CTDP1: variants seen among roughly 807,000 people sequenced by gnomAD.
The protein encoded by CTDP1 is CTD phosphatase 1.
In CTDP1, 47 loss-of-function variants were observed where a neutral mutation model predicts 91.8. The ratio of observed to expected loss-of-function variants is 0.51; its 90% CI spans 0.41 to 0.65. The LOEUF (loss-of-function observed/expected upper bound fraction) is 0.65, where lower values mean the gene tolerates loss of function less well. CTDP1 is among the 30% of genes least tolerant of loss of function. The pLI is 0.00. For synonymous variants in CTDP1, 656 were observed against 598.5 expected, an observed-to-expected ratio of 1.10 and a Z score of -1.40; for missense variants, 1,272 against 1,373.7, an observed-to-expected ratio of 0.93 and a Z score of 1.17.
rs1308257029 is a variant in CTDP1 at position 79,717,669 on chromosome 18, G to T, written c.2203G>T (p.Ala735Ser). 1.9e-6 allele frequency: 3 copies of T among 1,614,046 alleles called. No individual in the cohort carries two copies. The South Asian group carries it at 3.3e-5, about 18-fold the overall frequency. Residue 735 changes from alanine (A) to serine (S), a missense_variant, in exon 9 of 13, where the codon GCA becomes TCA. Transcript: ENST00000613122. ...LFPLRDDHTKAQRENSPAAFP... is the reference protein window; with the variant it reads ...LFPLRDDHTKSQRENSPAAFP... ...CCCGCTCAGGGACGATCACACCAAG[G>T]CACAGAGGTGGGTCCTCGCTGCACC...
At chr18:79,728,818 C>G in intron 10 of CTDP1, 89 bp from the exon 11 acceptor site, 2 of 1,481,572 alleles carry the variant, frequency 1.3e-6, no homozygotes, top group South Asian at 2.3e-5. Context: ...GAGTGTTTAC[C>G]TAGTCCGAGA....
rs747315467 is a variant in CTDP1, at chr18:79,714,797, C to A, written c.1337C>A (p.Thr446Lys). 1 of 1,603,362 alleles carries A rather than the reference C, an allele frequency of 6.2e-7. No homozygotes were observed. The highest frequency in any genetic ancestry group is 1.7e-5 in the Admixed American group (1 of 58,126). Residue 446 changes from threonine to lysine, a missense_variant, in exon 8 of 13, where the codon ACG (threonine) becomes AAG (lysine). Around this residue, in one of 3 missense-constraint regions of CTDP1, gnomAD observed 881 missense variants for 911.6 expected, o/e 0.97. Transcript: ENST00000613122. ...APGQRPAQGA[T>K]GTDLDFDLSS... Reference sequence around the variant, plus strand: ...GGACAGCGGCCTGCCCAGGGTGCCACGGGCACTGACCTGGACTTTGACTTA... The same window carrying A: ...GGACAGCGGCCTGCCCAGGGTGCCAAGGGCACTGACCTGGACTTTGACTTA...
chr18:79,735,818 C>G (rs1378572415), intron 11 of CTDP1: 1 of 165,820 alleles, frequency 6.0e-6, no homozygotes, highest in Admixed American at 5.7e-5. Flanking sequence ...CCCAGGTGTT[C>G]AGGAGTCGCC....
At chr18:79,679,279 G>C (rs1312631166), upstream of CTDP1, 1 of 391,942 alleles carries the variant, frequency 2.6e-6, no homozygotes, top group Non-Finnish European at 5.2e-6. Flanking sequence ...CCCGCGGCGT[G>C]GGGTCCGGGG....
At chr18:79,741,662 T>G (rs933216319) in intron 12 of CTDP1, among the ~76,000 whole-genome samples, 3 of 152,186 alleles carry the variant, frequency 2.0e-5, no homozygotes, top group African/African-American at 7.2e-5. Flanking sequence ...ATCCCAACAC[T>G]CAGCTCTTCT....
In CTDP1 at chr18:79,714,972, G is replaced by C. The variant is rs113488358; in HGVS notation, c.1512G>C (p.Glu504Asp). 6.4e-7 allele frequency: 1 copy of C among 1,569,024 alleles called. No individual in the cohort carries two copies. The highest frequency in any genetic ancestry group is 8.6e-7 in the Non-Finnish European group (1 of 1,157,800). Reference sequence around the variant, plus strand: ...CGCTGGCACAGGGCAGTTCCCTGGAGCCGGGGCGGCCTGCAGCACCGAGTC... The same window carrying C: ...CGCTGGCACAGGGCAGTTCCCTGGACCCGGGGCGGCCTGCAGCACCGAGTC... The part of the protein sequence containing the change: ...AGALAQGSSL[E>D]PGRPAAPSLP... The change falls in exon 8 of 13, where the codon GAG becomes GAC. Residue 504 changes from glutamate (E) to aspartate (D), a missense_variant. Around this residue, in one of 3 missense-constraint regions of CTDP1, gnomAD observed 881 missense variants for 911.6 expected, o/e 0.97. Coordinates refer to ENST00000613122, the MANE Select transcript of CTDP1 (RefSeq NM_004715.5).
Position 79,712,224 on chromosome 18 carries a change from G to C in CTDP1, c.864-748G>C, listed in dbSNP as rs141567293. On this transcript the variant is annotated intron_variant, in intron 6 of 12. Coordinates refer to ENST00000613122, the MANE Select transcript of CTDP1 (RefSeq NM_004715.5). The stretch of plus-strand genomic sequence containing the variant: ...GATAGGCCCCAGTGGTGGGTACTGT[G>C]GTTTGCATGGAGGTAGCTGGAGGTC... Among the ~76,000 whole-genome samples, 1,008 of 152,262 alleles carry C rather than the reference G, an allele frequency of 6.6e-3. 9 individuals are homozygous for C. The highest frequency in any genetic ancestry group is 0.011 in the Non-Finnish European group (756 of 68,022).
At chr18:79,752,175 C>CT (rs1243043280) in intron 12 of CTDP1, among the ~76,000 whole-genome samples, 1 of 152,256 alleles carries the variant, frequency 6.6e-6, no homozygotes, top group Non-Finnish European at 1.5e-5. Context: ...CCTGCAGCGG[C>CT]TCCTAAGGAA....
Position 79,715,718 on chromosome 18 carries a change from G to A in CTDP1, c.2068+190G>A, listed in dbSNP as rs530234004. ...TTGGGCACGTTCATGCTTTCAGACCGCAGTCATCGCACACACCATTCAGGG... is the reference window on the plus strand; with the variant it reads ...TTGGGCACGTTCATGCTTTCAGACCACAGTCATCGCACACACCATTCAGGG... On this transcript the variant is annotated intron_variant, in intron 8 of 12. Transcript: ENST00000613122. Among the ~76,000 whole-genome samples, 148 of 152,352 alleles carry A rather than the reference G, an allele frequency of 9.7e-4. 2 individuals carry two copies. Among genetic ancestry groups the A allele is most frequent in the African/African-American group, 1.1e-3 (44 of 41,580 alleles).
chr18:79,732,934 C>T (rs1399642841), intron 11 of CTDP1, among the ~76,000 whole-genome samples: 5 of 152,170 alleles, frequency 3.3e-5, no homozygotes, highest in African/African-American at 1.2e-4. Context: ...AACTCGCTCT[C>T]ACCATGAGTG....
At chr18:79,747,708 G>A (rs1480276773) in intron 12 of CTDP1, among the ~76,000 whole-genome samples, 2 of 152,244 alleles carry the variant, frequency 1.3e-5, no homozygotes, top group Non-Finnish European at 2.9e-5. Flanking sequence ...GGTGTCCGGT[G>A]CGTGCAGACC....
intron 4 of CTDP1, among the ~76,000 whole-genome samples, chr18:79,700,074 G>T (rs903097144): frequency 1.5e-4 from 23 of 152,188 alleles, no homozygotes; most frequent in Non-Finnish European, 2.9e-4. Context: ...AGATGTGTGT[G>T]TCCTGACTGC....
In CTDP1 at chr18:79,753,844, C is replaced by T. The variant is rs1243209547; in HGVS notation, c.*54C>T. 20 of 1,588,098 alleles carry T rather than the reference C, an allele frequency of 1.3e-5. No homozygotes were observed. The highest frequency in any genetic ancestry group is 1.1e-4 in the South Asian group (10 of 88,150). ...TGACCGACCTCCAGCAGCACTCGGA[C>T]GTCCCCGGACCAGCCCTCAGTCTCG... On this transcript the variant is annotated 3_prime_UTR_variant, in exon 13 of 13. Coordinates refer to ENST00000613122, the MANE Select transcript of CTDP1 (RefSeq NM_004715.5).
intron 1 of CTDP1, among the ~76,000 whole-genome samples, chr18:79,683,726 G>A (rs1213820750): frequency 3.3e-5 from 5 of 152,266 alleles, no homozygotes; most frequent in African/African-American, 4.8e-5. Context: ...TTGCCTGCGT[G>A]CCCTGGTGGC....
At chr18:79,707,865 G>A (rs900479096) in intron 5 of CTDP1, among the ~76,000 whole-genome samples, 1 of 152,228 alleles carries the variant, frequency 6.6e-6, no homozygotes, top group African/African-American at 2.4e-5. Flanking sequence ...CATTTTGAAA[G>A]TGACCGTGTT....
At chr18:79,719,757 T>C (rs2122670905) in intron 10 of CTDP1, among the ~76,000 whole-genome samples, 1 of 150,376 alleles carries the variant, frequency 6.6e-6, no homozygotes, top group South Asian at 2.2e-4. Context: ...CTGGTGATGC[T>C]GTCACCTCCC....
At chr18:79,715,583 G>A in intron 8 of CTDP1, 55 bp downstream of exon 8, 5 of 1,500,624 alleles carry the variant, frequency 3.3e-6, no homozygotes, top group African/African-American at 1.4e-5. Flanking sequence ...GCTCCTTGCA[G>A]GCACTCCTTA....
chr18:79,748,717 G>C (rs1424917169), intron 12 of CTDP1, among the ~76,000 whole-genome samples: 1 of 152,220 alleles, frequency 6.6e-6, no homozygotes, highest in Non-Finnish European at 1.5e-5. Context: ...GAGCGCCTGC[G>C]GCCGCCTCAT....
chr18:79,756,573 A>G (rs1398345726), downstream of CTDP1: 3 of 152,240 alleles, frequency 2.0e-5, no homozygotes, highest in African/African-American at 7.2e-5. Context: ...AAAATATTAA[A>G]TACTGAATAA....
Sources: allele counts gnomAD v4.1 joint callset (sites outside exome capture counted in the v4.1 genomes callset), GRCh38; gene constraint gnomAD v4.1.1; regional missense constraint gnomAD v4.1.1; transcripts MANE v1.5; gene names NCBI Gene and HGNC (gene_info 2026-07-23, HGNC 2026-07-21).